The following CLIC4 variants were observed in gnomAD, a reference collection of about 807,000 sequenced individuals.
The protein encoded by CLIC4 is CLIC family member 4.
Under a neutral mutation model 24.6 loss-of-function variants are expected in CLIC4, and 13 were observed. The ratio of observed to expected loss-of-function variants is 0.53; its 90% CI spans 0.34 to 0.84. The LOEUF is 0.84. CLIC4 is among the 40% of genes least tolerant of loss of function. The pLI, the probability that CLIC4 is intolerant of heterozygous loss-of-function variation, is 0.01. For missense variants in CLIC4, 227 were observed against 301.7 expected, an observed-to-expected ratio of 0.75 and a Z score of 1.83; for synonymous variants, 104 against 111.3, an observed-to-expected ratio of 0.93 and a Z score of 0.41.
rs1360200160 is a variant in CLIC4, at chr1:24,748,492, G to GTTT, written c.72+2871_72+2873dup. Among the ~76,000 whole-genome samples, 426 of 63,106 alleles carry GTTT rather than the reference G, an allele frequency of 6.8e-3. 7 individuals are homozygous for GTTT. The highest frequency in any genetic ancestry group is 8.8e-3 in the Non-Finnish European group (240 of 27,412). The allele number at this position is 63,106 out of a possible 152,430, so 41.4% of individuals were successfully genotyped here. ...CAAACTTTGCACTGATACAGATCAGGTTTTTTGTTTTTTTTTTTTTTTTTT... is the reference window on the plus strand; with the variant it reads ...CAAACTTTGCACTGATACAGATCAGGTTTTTTTTTGTTTTTTTTTTTTTTTTTT... On this transcript the variant is annotated intron_variant, in intron 1 of 5. Transcript: ENST00000374379.
intron 4 of CLIC4, among the ~76,000 whole-genome samples, chr1:24,828,802 T>C (rs996803977): frequency 6.6e-6 from 1 of 152,230 alleles, no homozygotes; most frequent in Non-Finnish European, 1.5e-5. Flanking sequence ...CCACCTACTC[T>C]TCCTGTCCTC....
Position 24,827,106 on chromosome 1 carries a change from G to A in CLIC4, c.405G>A (p.Glu135=), listed in dbSNP as rs1639793869. 1 of 1,597,240 alleles carries A rather than the reference G, an allele frequency of 6.3e-7. No homozygotes were observed. The highest frequency in any genetic ancestry group is 1.4e-5 in the African/African-American group (1 of 73,914). The change falls in exon 4 of 6, where the codon GAG becomes GAA. Residue 135 remains glutamate, a synonymous_variant. Transcript: ENST00000374379. ...FSAYIKNSRP[E]ANEALERGLL... is the part of the protein sequence containing the mutation. ...CATATATCAAGAATTCAAGGCCAGAGGCTAATGAAGGTAAAAAACAAAAAC... is the reference window on the plus strand; with the variant it reads ...CATATATCAAGAATTCAAGGCCAGAAGCTAATGAAGGTAAAAAACAAAAAC...
intron 1 of CLIC4, among the ~76,000 whole-genome samples, chr1:24,751,725 G>T (rs554171203): frequency 1.5e-4 from 23 of 152,258 alleles, no homozygotes; most frequent in Admixed American, 1.3e-3. Context: ...TTAGCCGGTC[G>T]TGGTGGCGGG....
intron 1 of CLIC4, among the ~76,000 whole-genome samples, chr1:24,761,158 G>A (rs779418034): frequency 1.3e-5 from 2 of 152,158 alleles, no homozygotes; most frequent in Non-Finnish European, 2.9e-5. Flanking sequence ...ATTAACTGAG[G>A]TGGAAAAGGC....
chr1:24,837,481 T>C (rs1325256856), intron 4 of CLIC4, among the ~76,000 whole-genome samples: 2 of 152,214 alleles, frequency 1.3e-5, no homozygotes, highest in Non-Finnish European at 2.9e-5. Flanking sequence ...GAAGTAAGGT[T>C]ATACTTTCAT....
intron 3 of CLIC4, among the ~76,000 whole-genome samples, chr1:24,825,856 A>G (rs886682188): frequency 6.6e-6 from 1 of 152,260 alleles, no homozygotes; most frequent in Non-Finnish European, 1.5e-5. Flanking sequence ...AATGTCTTCA[A>G]ATAAATGAGT....
At chr1:24,766,913 G>T (rs915719127) in intron 1 of CLIC4, among the ~76,000 whole-genome samples, 1 of 149,612 alleles carries the variant, frequency 6.7e-6, no homozygotes, top group South Asian at 2.1e-4. Context: ...TGGATCTTTA[G>T]TATTATGCTG....
At chr1:24,771,257 G>C (rs1639067381) in intron 1 of CLIC4, among the ~76,000 whole-genome samples, 1 of 152,086 alleles carries the variant, frequency 6.6e-6, no homozygotes, top group Admixed American at 6.6e-5. Context: ...TGTTCTCCAA[G>C]CCTAAGTTGG....
At chr1:24,781,134 ATT>A (rs35627731) in intron 1 of CLIC4, among the ~76,000 whole-genome samples, 1,935 of 97,280 alleles carry the variant, frequency 0.02, 31 homozygotes, top group African/African-American at 0.066. Flanking sequence ...AGGTAACTGA[ATT>A]TTTTTTTTTT....
At chr1:24,761,974 A>G (rs894537325) in intron 1 of CLIC4, among the ~76,000 whole-genome samples, 6 of 152,162 alleles carry the variant, frequency 3.9e-5, no homozygotes, top group Non-Finnish European at 5.9e-5. Context: ...TGAGTATAAG[A>G]TGGCTGAGAT....
intron 1 of CLIC4, among the ~76,000 whole-genome samples, chr1:24,796,959 T>A (rs1314987476): frequency 2.7e-5 from 4 of 149,942 alleles, no homozygotes; most frequent in Non-Finnish European, 5.9e-5. Context: ...TTTATTTATT[T>A]ATTTTTTTTT....
intron 2 of CLIC4, among the ~76,000 whole-genome samples, chr1:24,808,893 G>C (rs1487822928): frequency 2.0e-5 from 3 of 151,948 alleles, no homozygotes; most frequent in Non-Finnish European, 2.9e-5. Flanking sequence ...GGCCAGGCTG[G>C]TCTCAAACTC....
chr1:24,779,946 C>T (rs1325469292), intron 1 of CLIC4, among the ~76,000 whole-genome samples: 2 of 152,112 alleles, frequency 1.3e-5, no homozygotes, highest in Non-Finnish European at 2.9e-5. Context: ...TATTTATTGT[C>T]TTAAATGGAA....
chr1:24,813,890 TTA>T (rs1022259288), intron 2 of CLIC4, among the ~76,000 whole-genome samples: 11 of 151,924 alleles, frequency 7.2e-5, no homozygotes, highest in Admixed American at 1.3e-4. Context: ...GGCTAATTTT[TTA>T]TGTTTTGTGG....
chr1:24,821,535 T>A (rs1639734030), intron 3 of CLIC4, among the ~76,000 whole-genome samples: 1 of 152,074 alleles, frequency 6.6e-6, no homozygotes, highest in African/African-American at 2.4e-5. Context: ...TCTTCTTTGT[T>A]TTTTCTTTGT....
At chr1:24,812,725 C>A (rs1212901501) in intron 2 of CLIC4, among the ~76,000 whole-genome samples, 2 of 151,842 alleles carry the variant, frequency 1.3e-5, no homozygotes, top group Non-Finnish European at 2.9e-5. Flanking sequence ...AGTACTATTT[C>A]TTTCTTTTTT....
intron 1 of CLIC4, among the ~76,000 whole-genome samples, chr1:24,774,857 G>A (rs994143021): frequency 6.6e-6 from 1 of 152,108 alleles, no homozygotes; most frequent in Admixed American, 6.6e-5. Flanking sequence ...GATCACCTGA[G>A]GTCAGGAATT....
chr1:24,780,985 G>T (rs1011416534), intron 1 of CLIC4, among the ~76,000 whole-genome samples: 12 of 151,382 alleles, frequency 7.9e-5, no homozygotes, highest in African/African-American at 2.9e-4. Context: ...TACTCGGGAG[G>T]CTAAGGCAGG....
chr1:24,753,703 T>C (rs550127152), intron 1 of CLIC4, among the ~76,000 whole-genome samples: 1 of 152,348 alleles, frequency 6.6e-6, no homozygotes, highest in Admixed American at 6.5e-5. Flanking sequence ...TGTTAATGTA[T>C]ACATTTTCCT....
Sources: gnomAD v4.1 joint callset for allele counts (sites outside exome capture counted in the v4.1 genomes callset) on GRCh38, gnomAD v4.1.1 for gene constraint, MANE v1.5 for transcripts, NCBI Gene and HGNC (gene_info 2026-07-23, HGNC 2026-07-21) for gene names.